TAFA2: variants seen among roughly 807,000 people sequenced by gnomAD.
TAFA2 encodes chemokine-like protein TAFA-2.
In TAFA2, 7 loss-of-function variants were observed where a neutral mutation model predicts 18.8. That is an observed-to-expected ratio of 0.37 (90% CI 0.21 to 0.70). The LOEUF (loss-of-function observed/expected upper bound fraction) is 0.70, where lower values mean the gene tolerates loss of function less well. Ranked by LOEUF, TAFA2 falls within the 30% of genes least tolerant of loss-of-function variation. The pLI is 0.53. For missense variants in TAFA2, 122 were observed against 158.1 expected, an observed-to-expected ratio of 0.77 and a Z score of 1.23; for synonymous variants, 60 against 54.2, an observed-to-expected ratio of 1.11 and a Z score of -0.47.
intron 1 of TAFA2, among the ~76,000 whole-genome samples, chr12:61,927,108 C>G (rs1016168535): frequency 7.1e-6 from 1 of 140,124 alleles, no homozygotes; most frequent in African/African-American, 2.7e-5. Flanking sequence ...AGGCACAAGA[C>G]AAGGATGCCC....
intron 1 of TAFA2, among the ~76,000 whole-genome samples, chr12:62,257,348 C>T (rs534092749): frequency 2.6e-5 from 4 of 152,010 alleles, no homozygotes; most frequent in Non-Finnish European, 5.9e-5. Context: ...AAATGCAGTG[C>T]TTTTTTTCTC....
intron 1 of TAFA2, among the ~76,000 whole-genome samples, chr12:62,155,901 G>T (rs538254059): frequency 6.6e-6 from 1 of 152,214 alleles, no homozygotes; most frequent in East Asian, 1.9e-4. Context: ...TTTCATGATC[G>T]AGAACCCAAA....
chr12:62,019,040 A>C (rs532528753), intron 1 of TAFA2, among the ~76,000 whole-genome samples: 2,602 of 152,342 alleles, frequency 0.017, 89 homozygotes, highest in African/African-American at 0.06. Context: ...TTCTCAAAAG[A>C]AGACATTTAT....
At chr12:61,791,985 GAATA>G (rs1033646698) in intron 2 of TAFA2, among the ~76,000 whole-genome samples, 21 of 151,636 alleles carry the variant, frequency 1.4e-4, no homozygotes, top group South Asian at 2.1e-4. Flanking sequence ...AGTAATGAAT[GAATA>G]AAGAAAATAT....
chr12:61,753,688 T>G lies in TAFA2; in HGVS notation c.318A>C (p.Glu106Asp), dbSNP rs1869127948. Residue 106 changes from glutamate to aspartate, a missense_variant, in exon 4 of 5, where the codon GAA becomes GAC. Transcript: ENST00000416284. The part of the protein sequence containing the change: ...CHMQPCLEGE[E>D]CKVLPDRKGW... ...CTTTCCGATCCGGAAGAACTTTACA[T>G]TCTTCTCCCTCTAGACATGGCTGCA... is the stretch of plus-strand genomic sequence containing the variant. 6.2e-7 allele frequency: 1 copy of G among 1,612,692 alleles called. No individual in the cohort carries two copies. Among genetic ancestry groups the G allele is most frequent in the Non-Finnish European group, 8.5e-7 (1 of 1,179,104 alleles).
intron 1 of TAFA2, among the ~76,000 whole-genome samples, chr12:61,924,035 G>C (rs982885373): frequency 1.3e-5 from 2 of 148,244 alleles, no homozygotes; most frequent in Non-Finnish European, 3.0e-5. Context: ...CAAGATTAGA[G>C]AGAAAAAAAA....
chr12:61,760,694 A>G (rs1048985904), intron 2 of TAFA2, among the ~76,000 whole-genome samples: 1 of 151,886 alleles, frequency 6.6e-6, no homozygotes, highest in African/African-American at 2.4e-5. Flanking sequence ...TTCTCTACAC[A>G]GATTCAGACA....
chr12:61,768,478 G>A (rs111870925), intron 2 of TAFA2, among the ~76,000 whole-genome samples: 2 of 152,230 alleles, frequency 1.3e-5, no homozygotes, highest in African/African-American at 4.8e-5. Context: ...GCCACTGTAG[G>A]TTTCGTGAGA....
intron 1 of TAFA2, among the ~76,000 whole-genome samples, chr12:61,989,319 T>C (rs961208143): frequency 2.0e-5 from 3 of 152,056 alleles, no homozygotes; most frequent in Non-Finnish European, 2.9e-5. Flanking sequence ...ACATGAACTG[T>C]TATCCCTCCT....
At chr12:62,030,376 A>G (rs926014431) in intron 1 of TAFA2, among the ~76,000 whole-genome samples, 1 of 152,222 alleles carries the variant, frequency 6.6e-6, no homozygotes, top group African/African-American at 2.4e-5. Flanking sequence ...TAATGTTAAT[A>G]TGGGAGAAAT....
At chr12:62,118,191 TA>T (rs1870042317) in intron 1 of TAFA2, among the ~76,000 whole-genome samples, 2 of 152,290 alleles carry the variant, frequency 1.3e-5, no homozygotes, top group Admixed American at 6.5e-5. Flanking sequence ...CATATATATG[TA>T]TCTAAAGGGA....
At chr12:62,118,788 T>G (rs1240365711) in intron 1 of TAFA2, among the ~76,000 whole-genome samples, 7 of 152,140 alleles carry the variant, frequency 4.6e-5, no homozygotes, top group Non-Finnish European at 1.0e-4. Context: ...CTGTGTCTAT[T>G]TATAACTTTT....
intron 1 of TAFA2, among the ~76,000 whole-genome samples, chr12:62,041,188 T>C (rs756264193): frequency 2.3e-4 from 35 of 152,216 alleles, no homozygotes; most frequent in Non-Finnish European, 3.8e-4. Context: ...TGTTTTCTTA[T>C]GTAATATCTA....
chr12:62,196,203 T>C (rs1194282875), upstream of TAFA2, among the ~76,000 whole-genome samples: 1 of 152,262 alleles, frequency 6.6e-6, no homozygotes, highest in Admixed American at 6.5e-5. Context: ...AAGGCTTTGC[T>C]CTGGATTAGA....
intron 1 of TAFA2, among the ~76,000 whole-genome samples, chr12:62,128,276 G>C (rs944478153): frequency 2.0e-5 from 3 of 151,960 alleles, no homozygotes; most frequent in African/African-American, 7.2e-5. Flanking sequence ...TCTATTCAGG[G>C]AAATGGTCCT....
chr12:61,760,336 G>C (rs1328516369), intron 2 of TAFA2, among the ~76,000 whole-genome samples: 1 of 110,242 alleles, frequency 9.1e-6, no homozygotes. Flanking sequence ...AAACTTTGAA[G>C]GCATTGGCAT....
At chr12:61,723,953 A>G (rs2120612891) in intron 4 of TAFA2, among the ~76,000 whole-genome samples, 1 of 152,226 alleles carries the variant, frequency 6.6e-6, no homozygotes, top group Non-Finnish European at 1.5e-5. Flanking sequence ...TTACATGCTC[A>G]CTTGACATCA....
intron 2 of TAFA2, among the ~76,000 whole-genome samples, chr12:61,789,499 C>T (rs1033703412): frequency 6.6e-6 from 1 of 151,728 alleles, no homozygotes; most frequent in Non-Finnish European, 1.5e-5. Flanking sequence ...AATGAGAACA[C>T]ACAGACACAG....
At chr12:61,967,617 G>A (rs745689359) in intron 1 of TAFA2, among the ~76,000 whole-genome samples, 31 of 151,762 alleles carry the variant, frequency 2.0e-4, no homozygotes, top group Non-Finnish European at 3.5e-4. Context: ...AAATTGAAGT[G>A]AAAGTTGAAC....
Sources: allele counts gnomAD v4.1 joint callset (sites outside exome capture counted in the v4.1 genomes callset), GRCh38; gene constraint gnomAD v4.1.1; transcripts MANE v1.5; gene names NCBI Gene and HGNC (gene_info 2026-07-23, HGNC 2026-07-21).